Variants in CLSTN2 observed in about 807,000 individuals in gnomAD.
CLSTN2 encodes the protein calsyntenin-2.
CLSTN2 carries 48 observed loss-of-function variants against 101.2 expected under a neutral mutation model. The ratio of observed to expected loss-of-function variants is 0.47; its 90% CI spans 0.38 to 0.60. The LOEUF is 0.60. Among genes scored for constraint, CLSTN2 ranks in the 20% least tolerant of loss-of-function variants. The pLI is 0.00. For missense variants in CLSTN2, 1,160 were observed against 1,238.2 expected, an observed-to-expected ratio of 0.94 and a Z score of 0.95; for synonymous variants, 481 against 463.6, an observed-to-expected ratio of 1.04 and a Z score of -0.48.
intron 1 of CLSTN2, among the ~76,000 whole-genome samples, chr3:140,074,960 C>T (rs941544610): frequency 4.6e-5 from 7 of 152,144 alleles, no homozygotes; most frequent in Non-Finnish European, 7.3e-5. Flanking sequence ...TTCATGGACA[C>T]AGTTTGTCTC....
intron 1 of CLSTN2, among the ~76,000 whole-genome samples, chr3:140,084,138 A>G (rs1466550391): frequency 6.6e-6 from 1 of 152,182 alleles, no homozygotes; most frequent in Non-Finnish European, 1.5e-5. Context: ...GAATCAGCAT[A>G]TTGGTGTTCT....
At chr3:140,097,506 T>C (rs2008888418) in intron 1 of CLSTN2, among the ~76,000 whole-genome samples, 1 of 152,204 alleles carries the variant, frequency 6.6e-6, no homozygotes, top group African/African-American at 2.4e-5. Context: ...ACAATCAAGT[T>C]GAGGAGATAA....
chr3:140,405,232 G>T (rs972744494), intron 4 of CLSTN2, among the ~76,000 whole-genome samples: 5 of 111,036 alleles, frequency 4.5e-5, no homozygotes, highest in African/African-American at 1.1e-4. Flanking sequence ...ATTCATTCAG[G>T]ATTTTTTTTT....
At chr3:140,174,803 G>T (rs9818563) in intron 1 of CLSTN2, among the ~76,000 whole-genome samples, 1 of 151,988 alleles carries the variant, frequency 6.6e-6, no homozygotes, top group African/African-American at 2.4e-5. Context: ...GGGAATTATG[G>T]GAGTACAATT....
intron 4 of CLSTN2, among the ~76,000 whole-genome samples, chr3:140,418,295 G>A (rs980821402): frequency 6.6e-6 from 1 of 152,014 alleles, no homozygotes; most frequent in Non-Finnish European, 1.5e-5. Flanking sequence ...CAAGCCCTCA[G>A]AACTGAGAGG....
chr3:139,955,730 T>C (rs1190663458), intron 1 of CLSTN2, among the ~76,000 whole-genome samples: 1 of 111,690 alleles, frequency 9.0e-6, no homozygotes, highest in African/African-American at 3.0e-5. Flanking sequence ...CATTTTCTCC[T>C]GGATTCCTTT....
chr3:139,969,279 C>A (rs1935654756), intron 1 of CLSTN2, among the ~76,000 whole-genome samples: 1 of 152,200 alleles, frequency 6.6e-6, no homozygotes, highest in Non-Finnish European at 1.5e-5. Flanking sequence ...TCCAATCTGC[C>A]ATCCCAATTG....
intron 2 of CLSTN2, among the ~76,000 whole-genome samples, chr3:140,306,031 A>G (rs1289146393): frequency 3.3e-5 from 5 of 152,132 alleles, no homozygotes; most frequent in Non-Finnish European, 7.4e-5. Context: ...CATCCCCACC[A>G]CTAGTCAGTT....
At chr3:140,559,635 CTCCGAG>C (rs1935870531) in intron 12 of CLSTN2, among the ~76,000 whole-genome samples, 1 of 152,012 alleles carries the variant, frequency 6.6e-6, no homozygotes, top group Non-Finnish European at 1.5e-5. Flanking sequence ...CCTTTTGTTA[CTCCGAG>C]GGACGGGGGA....
At chr3:139,994,301 C>A (rs141464981) in intron 1 of CLSTN2, among the ~76,000 whole-genome samples, 115 of 152,272 alleles carry the variant, frequency 7.6e-4, no homozygotes, top group African/African-American at 2.6e-3. Flanking sequence ...TTGTCAGTGA[C>A]CTTTCCTTGT....
intron 2 of CLSTN2, among the ~76,000 whole-genome samples, chr3:140,395,400 CATT>C (rs774482583): frequency 2.0e-5 from 3 of 152,066 alleles, no homozygotes; most frequent in Non-Finnish European, 4.4e-5. Context: ...TTTAGTGTGT[CATT>C]GTAGCCTCAT....
chr3:140,220,979 C>T (rs2086266894), intron 2 of CLSTN2, among the ~76,000 whole-genome samples: 1 of 152,218 alleles, frequency 6.6e-6, no homozygotes, highest in Non-Finnish European at 1.5e-5. Context: ...CATGGACCAC[C>T]CACCATTGTC....
intron 15 of CLSTN2, 91 bp downstream of exon 15, chr3:140,563,294 C>T (rs1050741001): frequency 2.1e-5 from 30 of 1,452,858 alleles, no homozygotes; most frequent in South Asian, 1.0e-4. Flanking sequence ...TTGTAGCAAA[C>T]GTAGGTGCCC....
intron 1 of CLSTN2, among the ~76,000 whole-genome samples, chr3:140,088,659 C>A (rs995446872): frequency 6.6e-6 from 1 of 152,186 alleles, no homozygotes; most frequent in African/African-American, 2.4e-5. Flanking sequence ...AAAGTCCTTC[C>A]ACCTCCATGT....
chr3:140,062,831 A>G (rs2008230120), intron 1 of CLSTN2, among the ~76,000 whole-genome samples: 1 of 152,120 alleles, frequency 6.6e-6, no homozygotes. Flanking sequence ...AGGGTTCTTA[A>G]ACACCCTGGT....
chr3:140,206,326 C>T (rs929024711), intron 2 of CLSTN2, among the ~76,000 whole-genome samples: 1 of 152,196 alleles, frequency 6.6e-6, no homozygotes, highest in Non-Finnish European at 1.5e-5. Context: ...ATAGATTGGG[C>T]TAGCCCTGCA....
intron 1 of CLSTN2, among the ~76,000 whole-genome samples, chr3:139,992,740 G>A (rs1044828286): frequency 6.6e-6 from 1 of 152,316 alleles, no homozygotes; most frequent in South Asian, 2.1e-4. Context: ...CCCTCAAGGA[G>A]AAATAGAAGA....
intron 2 of CLSTN2, among the ~76,000 whole-genome samples, chr3:140,214,881 GAA>G (rs1239707289): frequency 2.0e-5 from 3 of 152,156 alleles, no homozygotes; most frequent in Non-Finnish European, 4.4e-5. Flanking sequence ...ATATATTTTT[GAA>G]GTCTTTATAC....
At position 140,563,999 on chromosome 3, in the gene CLSTN2, G is replaced by C. The variant is rs762384117; in HGVS notation, c.2521G>C (p.Val841Leu). The C allele has an allele frequency of 6.2e-7, 1 of 1,614,072 alleles. No homozygotes were observed. Among genetic ancestry groups the C allele is most frequent in the Middle Eastern group, 1.6e-4 (1 of 6,062 alleles). Residue 841 changes from valine to leucine, a missense_variant, in exon 16 of 17, where the codon GTG becomes CTG. Transcript: ENST00000458420. ...TGCCACAGTGGTCATCATCATCTCC[G>C]TGTGCATGCTTGTGTTTGTCGTGGC... ...SIATVVIIIS[V>L]CMLVFVVAMG...
Sources: allele counts gnomAD v4.1 joint callset (sites outside exome capture counted in the v4.1 genomes callset), GRCh38; gene constraint gnomAD v4.1.1; transcripts MANE v1.5; gene names NCBI Gene and HGNC (gene_info 2026-07-23, HGNC 2026-07-21).